LAMA2: variants seen among roughly 807,000 people sequenced by gnomAD.
LAMA2 encodes the protein laminin subunit alpha-2.
Under a neutral mutation model 364.8 loss-of-function variants are expected in LAMA2, and 269 were observed. That is an observed-to-expected ratio of 0.74 (90% CI 0.67 to 0.82). The LOEUF (loss-of-function observed/expected upper bound fraction) is 0.82. Among genes scored for constraint, LAMA2 ranks in the 40% least tolerant of loss-of-function variants. LAMA2 has a pLI of 0.00. For missense variants in LAMA2, 3,807 were observed against 3,873.2 expected, an observed-to-expected ratio of 0.98 and a Z score of 0.45; for synonymous variants, 1,379 against 1,370.6, an observed-to-expected ratio of 1.01 and a Z score of -0.14.
intron 18 of LAMA2, among the ~76,000 whole-genome samples, chr6:129,282,019 G>C (rs1788751052): frequency 6.6e-6 from 1 of 152,168 alleles, no homozygotes; most frequent in Admixed American, 6.5e-5. Flanking sequence ...GGAGATACTG[G>C]TTGCATTAAA....
At chr6:129,089,536 T>C (rs1431419733) in intron 3 of LAMA2, among the ~76,000 whole-genome samples, 1 of 152,240 alleles carries the variant, frequency 6.6e-6, no homozygotes, top group East Asian at 1.9e-4. Context: ...ACTGTCATGT[T>C]CCATGAGGAA....
intron 1 of LAMA2, among the ~76,000 whole-genome samples, chr6:128,989,649 A>G (rs1308418648): frequency 6.6e-6 from 1 of 152,234 alleles, no homozygotes; most frequent in Non-Finnish European, 1.5e-5. Context: ...TATTCTTCAC[A>G]TCAGGCTTTG....
At position 129,353,216 on chromosome 6, in the gene LAMA2, G is replaced by T. The variant is rs766296358; in HGVS notation, c.4576G>T (p.Glu1526Ter). 3.1e-6 allele frequency: 5 copies of T among 1,614,140 alleles called. No individual in the cohort carries two copies. The highest frequency in any genetic ancestry group is 4.2e-6 in the Non-Finnish European group (5 of 1,180,000). Residue 1526 changes from glutamate (E) to a stop codon, truncating the protein, a stop_gained, in exon 32 of 65, where the codon GAA becomes TAA. Transcript: ENST00000421865. LOFTEE classifies it high-confidence loss of function. ...SPGNPGGSCQ[E>*]CECDPYGSLP... ...AGGCAACCCTGGAGGCTCCTGCCAA[G>T]AATGTGAGTGTGATCCCTATGGCTC...
intron 22 of LAMA2, among the ~76,000 whole-genome samples, chr6:129,306,405 A>G (rs945218392): frequency 7.3e-6 from 1 of 136,356 alleles, no homozygotes; most frequent in African/African-American, 2.8e-5. Flanking sequence ...ACTGGTTTGC[A>G]GCAATTTAAT....
intron 40 of LAMA2, among the ~76,000 whole-genome samples, chr6:129,404,310 T>C (rs6906791): frequency 0.5 from 75,916 of 151,522 alleles, 19,471 homozygotes; most frequent in African/African-American, 0.62. Flanking sequence ...GTAACCATTG[T>C]ATATAATCAC....
At chr6:129,176,640 A>C (rs1780611028) in intron 9 of LAMA2, among the ~76,000 whole-genome samples, 1 of 152,100 alleles carries the variant, frequency 6.6e-6, no homozygotes, top group South Asian at 2.1e-4. Flanking sequence ...TGTTTTTATT[A>C]TATTTTTATC....
chr6:129,184,548 C>T (rs972725225), intron 10 of LAMA2, among the ~76,000 whole-genome samples: 10 of 151,902 alleles, frequency 6.6e-5, no homozygotes, highest in African/African-American at 2.4e-4. Context: ...GAACACCTTA[C>T]CCTTGATATC....
intron 3 of LAMA2, among the ~76,000 whole-genome samples, chr6:129,096,854 T>C (rs1051024153): frequency 1.3e-5 from 2 of 152,178 alleles, no homozygotes; most frequent in Admixed American, 6.5e-5. Flanking sequence ...CAAGTAAACA[T>C]CTTGAAGGAA....
intron 8 of LAMA2, chr6:129,158,795 T>C: frequency 6.2e-7 from 1 of 1,614,232 alleles, no homozygotes. Context: ...ATCTTTGCAC[T>C]GAAAATCAGA....
At chr6:129,023,897 A>G (rs947249978) in intron 1 of LAMA2, among the ~76,000 whole-genome samples, 21 of 152,128 alleles carry the variant, frequency 1.4e-4, no homozygotes, top group African/African-American at 5.1e-4. Flanking sequence ...TTATATCAAT[A>G]TTATTTTTCT....
intron 1 of LAMA2, among the ~76,000 whole-genome samples, chr6:129,021,232 G>A (rs977733868): frequency 1.1e-4 from 17 of 151,924 alleles, no homozygotes; most frequent in East Asian, 3.9e-4. Context: ...CTTATGAACC[G>A]GGCAAAATGT....
chr6:129,291,409 C>G (rs553969177), intron 19 of LAMA2, among the ~76,000 whole-genome samples: 3 of 152,170 alleles, frequency 2.0e-5, no homozygotes, highest in South Asian at 4.1e-4. Flanking sequence ...GATGCTAAAG[C>G]CTTTATGTGA....
chr6:129,366,490 CAG>C (rs1186751831), intron 33 of LAMA2, 129 bp downstream of exon 33: 1 of 1,013,560 alleles, frequency 9.9e-7, no homozygotes, highest in African/African-American at 1.6e-5. Context: ...TAGGGAAATT[CAG>C]AGACTTTCTT....
chr6:129,184,796 C>A (rs1781134231), intron 10 of LAMA2, among the ~76,000 whole-genome samples: 1 of 151,802 alleles, frequency 6.6e-6, no homozygotes, highest in Non-Finnish European at 1.5e-5. Flanking sequence ...CTCACTGAAG[C>A]CTATTTTCAT....
In LAMA2 at chr6:129,229,975, A is replaced by G. The variant is rs146716098; in HGVS notation, c.1783-20137A>G. Among the ~76,000 whole-genome samples, 8 of 152,308 alleles carry G rather than the reference A, an allele frequency of 5.3e-5. No individual in the cohort carries two copies. The South Asian group carries it at 8.3e-4, about 16-fold the overall frequency. ...TAGCTAGTATACAAGTCTGAAGTTC[A>G]TTGGGTCAGGAACATCTGAACTGAA... On this transcript the variant is annotated intron_variant, in intron 12 of 64. Coordinates refer to ENST00000421865, the MANE Select transcript of LAMA2 (RefSeq NM_000426.4).
At chr6:129,252,530 A>G (rs1786339499) in intron 14 of LAMA2, among the ~76,000 whole-genome samples, 2 of 152,222 alleles carry the variant, frequency 1.3e-5, no homozygotes, top group South Asian at 4.1e-4. Context: ...CACAATTGTC[A>G]GAACATGTGA....
chr6:129,074,530 C>A (rs1472735626), intron 3 of LAMA2, among the ~76,000 whole-genome samples: 1 of 152,164 alleles, frequency 6.6e-6, no homozygotes, highest in East Asian at 1.9e-4. Context: ...TTAAGTCTGG[C>A]TGCCTTGGTT....
intron 1 of LAMA2, among the ~76,000 whole-genome samples, chr6:128,964,265 T>A (rs1238921289): frequency 6.6e-6 from 1 of 152,126 alleles, no homozygotes; most frequent in Non-Finnish European, 1.5e-5. Context: ...TAGCCAATGA[T>A]GTTGAACTGG....
chr6:129,086,260 T>A (rs2114848621), intron 3 of LAMA2, among the ~76,000 whole-genome samples: 1 of 152,360 alleles, frequency 6.6e-6, no homozygotes, highest in East Asian at 1.9e-4. Context: ...GTTCACCCAT[T>A]AGGTACGTGC....
Sources: allele counts gnomAD v4.1 joint callset (sites outside exome capture counted in the v4.1 genomes callset), GRCh38; gene constraint gnomAD v4.1.1; transcripts MANE v1.5; gene names NCBI Gene and HGNC (gene_info 2026-07-23, HGNC 2026-07-21).